IFI30: variants seen among roughly 807,000 people sequenced by gnomAD.
IFI30 encodes the protein IFI30 lysosomal thiol reductase.
Under a neutral mutation model 30.1 loss-of-function variants are expected in IFI30, and 26 were observed. The ratio of observed to expected loss-of-function variants is 0.87; its 90% CI spans 0.63 to 1.20. The LOEUF (loss-of-function observed/expected upper bound fraction) is 1.20. IFI30 is among the 50% of genes most tolerant of loss of function. IFI30 has a pLI of 0.00. For synonymous variants in IFI30, 149 were observed against 134.5 expected, an observed-to-expected ratio of 1.11 and a Z score of -0.75; for missense variants, 296 against 312.5, an observed-to-expected ratio of 0.95 and a Z score of 0.40.
chr19:18,177,937 T>G lies in IFI30; in HGVS notation c.*26T>G. On this transcript the variant is annotated 3_prime_UTR_variant, in exon 7 of 7. Transcript: ENST00000407280. ...TGGCCGGTGAGCTGCGGAGAGCTCATGGAAGGCGAGTGGGAACCCGGCTGC... is the reference window on the plus strand; with the variant it reads ...TGGCCGGTGAGCTGCGGAGAGCTCAGGGAAGGCGAGTGGGAACCCGGCTGC... 6.4e-7 allele frequency: 1 copy of G among 1,568,282 alleles called. No individual in the cohort carries two copies. The highest frequency in any genetic ancestry group is 8.6e-7 in the Non-Finnish European group (1 of 1,156,580).
At chr19:18,177,097 C>T (rs140154009) in intron 4 of IFI30, 43 bp from the exon 5 acceptor site, 34,646 of 1,497,680 alleles carry the variant, frequency 0.023, 516 homozygotes, top group Admixed American at 0.06. Flanking sequence ...GTTGAGATAA[C>T]GGGGAGGAAG....
At chr19:18,174,799 G>T (rs754664335) in intron 1 of IFI30, 15 of 470,330 alleles carry the variant, frequency 3.2e-5, no homozygotes, top group Non-Finnish European at 5.3e-5. Context: ...TTGAACCAGG[G>T]AGTCGGGTGT....
intron 1 of IFI30, 44 bp from the exon 2 acceptor site, chr19:18,174,996 C>T: frequency 6.5e-7 from 1 of 1,528,534 alleles, no homozygotes; most frequent in Non-Finnish European, 9.0e-7. Context: ...AAGTGGGGAA[C>T]TGCCCAGGGC....
intron 3 of IFI30, 39 bp downstream of exon 3, chr19:18,175,424 A>T: frequency 6.5e-7 from 1 of 1,549,470 alleles, no homozygotes; most frequent in South Asian, 1.2e-5. Flanking sequence ...GTGGGGGAAA[A>T]CTGTCCCACG....
intron 1 of IFI30, chr19:18,174,199 A>G: frequency 2.0e-6 from 1 of 510,210 alleles, no homozygotes; most frequent in East Asian, 3.6e-5. Flanking sequence ...AGCTGCCTCC[A>G]CCCGCCTAGT....
intron 4 of IFI30, among the ~76,000 whole-genome samples, chr19:18,176,288 G>A (rs1427012130): frequency 3.3e-5 from 5 of 151,646 alleles, no homozygotes; most frequent in Middle Eastern, 3.4e-3. Context: ...CCCAGTAGCT[G>A]GGACTACAGG....
Position 18,177,715 on chromosome 19 carries a change from C to T in IFI30, c.641C>T (p.Pro214Leu), listed in dbSNP as rs368871171. The change falls in exon 6 of 7, where the codon CCC becomes CTC. Residue 214 changes from proline to leucine, a missense_variant. Coordinates refer to ENST00000407280, the MANE Select transcript of IFI30 (RefSeq NM_006332.5). ...YVPWVTVNGK[P>L]LEDQTQLLTL... Reference sequence around the variant, plus strand: ...CCCCTGTCTTGCTTTGTGCAGAAACCCTTGGAAGATCAGACCCAGCTCCTT... The same window carrying T: ...CCCCTGTCTTGCTTTGTGCAGAAACTCTTGGAAGATCAGACCCAGCTCCTT... The T allele has an allele frequency of 1.2e-6, 2 of 1,613,680 alleles. No individual in the cohort carries two copies. The highest frequency in any genetic ancestry group is 2.7e-5 in the African/African-American group (2 of 74,898).
At chr19:18,174,848 G>A in intron 1 of IFI30, 192 bp from the exon 2 acceptor site, 2 of 552,720 alleles carry the variant, frequency 3.6e-6, no homozygotes, top group Non-Finnish European at 6.4e-6. Context: ...CACCAGCCTA[G>A]CGACAGTGAG....
At chr19:18,176,997 G>A in intron 4 of IFI30, 143 bp from the exon 5 acceptor site, 1 of 871,266 alleles carries the variant, frequency 1.1e-6, no homozygotes, top group South Asian at 1.8e-5. Flanking sequence ...AGCACCTGCT[G>A]TTTGTGGGCT....
rs751803379 is a variant in IFI30 at position 18,177,200 on chromosome 19, G to A, written c.544G>A (p.Asp182Asn). Residue 182 changes from aspartate to asparagine, a missense_variant, in exon 5 of 7, where the codon GAC (aspartate) becomes AAC (asparagine). Coordinates refer to ENST00000407280, the MANE Select transcript of IFI30 (RefSeq NM_006332.5). ...CACTATCATGGAGTGTGCAATGGGGGACCGCGGCATGCAGCTCATGCACGC... is the reference window on the plus strand; with the variant it reads ...CACTATCATGGAGTGTGCAATGGGGAACCGCGGCATGCAGCTCATGCACGC... ...PDTIMECAMGDRGMQLMHANA... is the reference protein window; with the variant it reads ...PDTIMECAMGNRGMQLMHANA... 3.2e-6 allele frequency: 5 copies of A among 1,587,166 alleles called. No homozygotes were observed. The African/African-American group carries it at 4.0e-5, about 13-fold the overall frequency.
At chr19:18,176,773 G>A (rs1166636153) in intron 4 of IFI30, among the ~76,000 whole-genome samples, 1 of 152,192 alleles carries the variant, frequency 6.6e-6, no homozygotes, top group East Asian at 1.9e-4. Context: ...TCAGGGCTGA[G>A]AGAGTGGCAA....
In IFI30 at chr19:18,175,313, A is replaced by G. The variant is rs555267237; in HGVS notation, c.318A>G (p.Glu106=). ...VTLVPYGNAQ[E]QNVSGRWEFK... is the part of the protein sequence containing the mutation. ...GCTCTCACCCTGCTGCCTTGCAGGAACAAAATGTCAGTGGCAGGTGGGAGT... is the reference window on the plus strand; with the variant it reads ...GCTCTCACCCTGCTGCCTTGCAGGAGCAAAATGTCAGTGGCAGGTGGGAGT... The change falls in exon 3 of 7, where the codon GAA becomes GAG. Residue 106 remains glutamate (E), a splice_region_variant and synonymous_variant. Transcript: ENST00000407280. 6.3e-7 allele frequency: 1 copy of G among 1,588,636 alleles called. No individual in the cohort carries two copies. Among genetic ancestry groups the G allele is most frequent in the East Asian group, 2.3e-5 (1 of 43,512 alleles).
rs908019462 is a variant in IFI30, at chr19:18,177,438, G to A, written c.636+146G>A. ...CACTGCACTCCAGCCTGGGCAACAA[G>A]AGCAAAACTTGATAGCTTTGCATAG... On this transcript the variant is annotated intron_variant, in intron 5 of 6. Transcript: ENST00000407280. 5 of 964,508 alleles carry A rather than the reference G, an allele frequency of 5.2e-6. No homozygotes were observed. The Admixed American group carries it at 8.1e-5, about 16-fold the overall frequency. 59.7% of individuals were successfully genotyped at this position (964,508 alleles called of 1,614,324 possible).
chr19:18,177,065 C>A, intron 4 of IFI30, 75 bp from the exon 5 acceptor site: 2 of 1,435,446 alleles, frequency 1.4e-6, no homozygotes, highest in Non-Finnish European at 1.9e-6. Flanking sequence ...ACAGGCTTGG[C>A]TCAGGGCTGG....
intron 4 of IFI30, among the ~76,000 whole-genome samples, chr19:18,176,711 C>T (rs1410550076): frequency 2.6e-5 from 4 of 152,124 alleles, no homozygotes; most frequent in Admixed American, 6.6e-5. Context: ...ATCAAACATC[C>T]GGGTCACCCA....
chr19:18,177,670 T>C (rs1967288893), intron 5 of IFI30, 41 bp from the exon 6 acceptor site: 1 of 1,609,078 alleles, frequency 6.2e-7, no homozygotes. Context: ...TGGGTTGGGG[T>C]AGCTGCTGGG....
chr19:18,177,491 T>C (rs1967286893), intron 5 of IFI30, 199 bp downstream of exon 5: 1 of 785,734 alleles, frequency 1.3e-6, no homozygotes, highest in East Asian at 2.7e-5. Flanking sequence ...GCTGGGGTTT[T>C]GAAAGGTGAG....
chr19:18,177,276 G>T lies in IFI30; in HGVS notation c.620G>T (p.Trp207Leu). 1 of 1,585,266 alleles carries T rather than the reference G, an allele frequency of 6.3e-7. No homozygotes were observed. Among genetic ancestry groups the T allele is most frequent in the East Asian group, 2.3e-5 (1 of 43,644 alleles). ...CAGCCACCACACGAGTATGTGCCCT[G>T]GGTCACCGTCAATGGGGTAAGAATC... The part of the protein sequence containing the change: ...ALQPPHEYVP[W>L]VTVNGKPLED... Residue 207 changes from tryptophan to leucine, a missense_variant, in exon 5 of 7, where the codon TGG becomes TTG. By Grantham distance (61) the Trp-to-Leu change is moderately conservative (BLOSUM62 -2). Transcript: ENST00000407280.
Position 18,177,920 on chromosome 19 carries a change from G to A in IFI30, c.*9G>A. 6.3e-7 allele frequency: 1 copy of A among 1,577,984 alleles called. No individual in the cohort carries two copies. The highest frequency in any genetic ancestry group is 8.6e-7 in the Non-Finnish European group (1 of 1,161,770). On this transcript the variant is annotated 3_prime_UTR_variant, in exon 7 of 7. Coordinates refer to ENST00000407280, the MANE Select transcript of IFI30 (RefSeq NM_006332.5). ...GTGTTTGCTTCAAGTGATGGCCGGT[G>A]AGCTGCGGAGAGCTCATGGAAGGCG...
Sources: allele counts gnomAD v4.1 joint callset (sites outside exome capture counted in the v4.1 genomes callset), GRCh38; gene constraint gnomAD v4.1.1; transcripts MANE v1.5; gene names NCBI Gene and HGNC (gene_info 2026-07-23, HGNC 2026-07-21).